Variants in SH2D4B observed in about 807,000 individuals in gnomAD.
The protein encoded by SH2D4B is SH2 domain containing 4B.
Under a neutral mutation model 61.5 loss-of-function variants are expected in SH2D4B, and 45 were observed. The ratio of observed to expected loss-of-function variants is 0.73; its 90% CI spans 0.58 to 0.94. The LOEUF is 0.94. Among genes scored for constraint, SH2D4B ranks in the 40% least tolerant of loss-of-function variants. The pLI, the probability that SH2D4B is intolerant of heterozygous loss-of-function variation, is 0.00. For synonymous variants in SH2D4B, 224 were observed against 220.4 expected (o/e 1.02, Z -0.14); for missense variants, 572 against 574.2 (o/e 1.00, Z 0.04).
chr10:80,547,747 T>C (rs1841701701), intron 1 of SH2D4B, among the ~76,000 whole-genome samples: 1 of 152,032 alleles, frequency 6.6e-6, no homozygotes, highest in Admixed American at 6.5e-5. Context: ...GGAGAGAAAA[T>C]GAGGTGTCTA....
chr10:80,575,689 T>C (rs4578323), intron 3 of SH2D4B, among the ~76,000 whole-genome samples: 31,255 of 152,068 alleles, frequency 0.21, 3,847 homozygotes, highest in East Asian at 0.37. Flanking sequence ...GCAGGAGAAT[T>C]GCTTGAACCC....
chr10:80,559,404 T>C lies in SH2D4B; in HGVS notation c.185-10750T>C, dbSNP rs80127329. 6.4e-3 allele frequency among the ~76,000 whole-genome samples: 974 copies of C among 152,264 alleles called. 12 individuals carry two copies. Among genetic ancestry groups the C allele is most frequent in the African/African-American group, 0.022 (933 of 41,550 alleles). The stretch of plus-strand genomic sequence containing the variant: ...ATCAAATGTTAACGTTAGTGTCTTA[T>C]TTGTTTTTATTTAAACAATTCAGAT... On this transcript the variant is annotated intron_variant, in intron 1 of 7. Transcript: ENST00000646907.
At chr10:80,624,671 G>T (rs145403236) in intron 6 of SH2D4B, among the ~76,000 whole-genome samples, 1 of 152,096 alleles carries the variant, frequency 6.6e-6, no homozygotes. Flanking sequence ...AACCAAACTC[G>T]CTCTAAGTGG....
chr10:80,583,228 A>G (rs7087827), intron 3 of SH2D4B, among the ~76,000 whole-genome samples: 41,038 of 152,008 alleles, frequency 0.27, 6,507 homozygotes, highest in African/African-American at 0.43. Flanking sequence ...CATTCATAAA[A>G]CAAGTGCAAG....
At chr10:80,591,032 A>AT (rs1295787129) in intron 4 of SH2D4B, among the ~76,000 whole-genome samples, 2 of 150,772 alleles carry the variant, frequency 1.3e-5, no homozygotes, top group Admixed American at 1.3e-4. Context: ...GCTTAGCACA[A>AT]TGTTTTCAAG....
intron 4 of SH2D4B, among the ~76,000 whole-genome samples, chr10:80,602,818 A>G (rs1019653282): frequency 2.0e-5 from 3 of 152,188 alleles, no homozygotes; most frequent in Non-Finnish European, 2.9e-5. Context: ...GTTTTTTAGT[A>G]GGAAAGAGCT....
intron 1 of SH2D4B, among the ~76,000 whole-genome samples, chr10:80,567,950 G>A (rs1392179073): frequency 1.3e-5 from 2 of 152,164 alleles, no homozygotes; most frequent in Non-Finnish European, 2.9e-5. Context: ...CCATGTCCCA[G>A]TAACAACATC....
intron 3 of SH2D4B, among the ~76,000 whole-genome samples, chr10:80,579,684 T>G (rs554000838): frequency 1.3e-5 from 2 of 151,900 alleles, no homozygotes; most frequent in South Asian, 4.1e-4. Context: ...CATTTTCTAT[T>G]CAAGGCCACT....
chr10:80,545,012 ATCTC>A (rs1445959737), intron 1 of SH2D4B, among the ~76,000 whole-genome samples: 2 of 151,860 alleles, frequency 1.3e-5, no homozygotes, highest in Non-Finnish European at 2.9e-5. Flanking sequence ...CCCCATCCCA[ATCTC>A]TCTCTTTCAA....
intron 1 of SH2D4B, among the ~76,000 whole-genome samples, chr10:80,567,435 A>C (rs1381174886): frequency 6.6e-6 from 1 of 152,148 alleles, no homozygotes; most frequent in African/African-American, 2.4e-5. Context: ...CTTATAGGGG[A>C]CACCTTCAGG....
At chr10:80,635,361 T>G (rs2132162847) in intron 7 of SH2D4B, among the ~76,000 whole-genome samples, 1 of 152,250 alleles carries the variant, frequency 6.6e-6, no homozygotes, top group South Asian at 2.1e-4. Context: ...GGCAGAGTGG[T>G]GGTAGCTCCG....
At chr10:80,586,014 C>A (rs1842242502) in intron 3 of SH2D4B, among the ~76,000 whole-genome samples, 2 of 152,190 alleles carry the variant, frequency 1.3e-5, no homozygotes. Context: ...GGGCTTAGCA[C>A]CCAGGCCAGC....
rs532186577 is a variant in SH2D4B, at chr10:80,601,309, C to A, written c.644-2270C>A. 1.6e-4 allele frequency among the ~76,000 whole-genome samples: 25 copies of A among 152,302 alleles called. No homozygotes were observed. In the South Asian group the frequency reaches 4.4e-3, roughly 27 times the overall value. On this transcript the variant is annotated intron_variant, in intron 4 of 7. Coordinates refer to ENST00000646907, the MANE Select transcript of SH2D4B (RefSeq NM_001388272.1). Reference sequence around the variant, plus strand: ...CCAGCAGAATGCGAGGCTGCTGCCCCTAAGCTCTGACAATACTTTATTGGT... The same window carrying A: ...CCAGCAGAATGCGAGGCTGCTGCCCATAAGCTCTGACAATACTTTATTGGT...
At chr10:80,636,944 C>T (rs1015555023) in intron 7 of SH2D4B, among the ~76,000 whole-genome samples, 2 of 152,158 alleles carry the variant, frequency 1.3e-5, no homozygotes, top group Non-Finnish European at 2.9e-5. Context: ...AGTCTTTAAT[C>T]CATCTTGAAT....
At chr10:80,579,602 C>A (rs1365036065) in intron 3 of SH2D4B, among the ~76,000 whole-genome samples, 1 of 152,080 alleles carries the variant, frequency 6.6e-6, no homozygotes, top group Non-Finnish European at 1.5e-5. Flanking sequence ...CTCCCACTCC[C>A]ACCTCTTCCT....
intron 4 of SH2D4B, among the ~76,000 whole-genome samples, chr10:80,591,239 C>G (rs1842321271): frequency 6.6e-6 from 1 of 151,972 alleles, no homozygotes; most frequent in African/African-American, 2.4e-5. Context: ...CATATATTTT[C>G]AATTCTCTTG....
chr10:80,599,885 T>C (rs1842431317), intron 4 of SH2D4B, among the ~76,000 whole-genome samples: 1 of 152,132 alleles, frequency 6.6e-6, no homozygotes, highest in Non-Finnish European at 1.5e-5. Context: ...TGCTCACACT[T>C]GTTTTTTCCA....
intron 1 of SH2D4B, among the ~76,000 whole-genome samples, chr10:80,550,964 T>C (rs1456775921): frequency 6.6e-6 from 1 of 152,110 alleles, no homozygotes; most frequent in Non-Finnish European, 1.5e-5. Context: ...AAAGAAAATA[T>C]GAGACTCTGT....
rs1265863851 is a variant in SH2D4B, at chr10:80,645,332, T to G, written c.*1247T>G. On this transcript the variant is annotated 3_prime_UTR_variant, in exon 8 of 8. Coordinates refer to ENST00000646907, the MANE Select transcript of SH2D4B (RefSeq NM_001388272.1). Reference sequence around the variant, plus strand: ...ACAAGCCACCAGCACTATAACCAGTTTTGCGTGGGTTCTGCTCTTCCTCCC... The same window carrying G: ...ACAAGCCACCAGCACTATAACCAGTGTTGCGTGGGTTCTGCTCTTCCTCCC... 6.6e-6 allele frequency: 1 copy of G among 152,186 alleles called. No individual in the cohort carries two copies. Among genetic ancestry groups the G allele is most frequent in the Non-Finnish European group, 1.5e-5 (1 of 68,052 alleles). The allele number at this position is 152,186 out of a possible 1,614,324, so 9.4% of individuals were successfully genotyped here. A position where few individuals can be genotyped will look rare whatever the true frequency, so the allele number is the denominator to read the frequency against.
Sources: gnomAD v4.1 joint callset for allele counts (sites outside exome capture counted in the v4.1 genomes callset) on GRCh38, gnomAD v4.1.1 for gene constraint, MANE v1.5 for transcripts, NCBI Gene and HGNC (gene_info 2026-07-23, HGNC 2026-07-21) for gene names.